KIF13A: variants seen among roughly 807,000 people sequenced by gnomAD.
KIF13A encodes the protein kinesin family member 13A, also known as kinesin-like protein KIF13A.
Under a neutral mutation model 212.2 loss-of-function variants are expected in KIF13A, and 79 were observed. The observed-to-expected ratio is 0.37, with a 90% CI of 0.31 to 0.45. KIF13A has a LOEUF of 0.45. Among genes scored for constraint, KIF13A ranks in the 20% least tolerant of loss-of-function variants. KIF13A has a pLI of 1.00. For synonymous variants in KIF13A, 789 were observed against 808.6 expected (o/e 0.98, Z 0.41); for missense variants, 1,901 against 2,209.0 (o/e 0.86, Z 2.79).
chr6:17,907,500 T>C (rs564700135), intron 2 of KIF13A, among the ~76,000 whole-genome samples: 57 of 151,294 alleles, frequency 3.8e-4, no homozygotes, highest in Non-Finnish European at 6.3e-4. Context: ...CCTTCATGAA[T>C]GTGCAGGAGA....
At chr6:17,969,113 G>A (rs1779576440) in intron 2 of KIF13A, among the ~76,000 whole-genome samples, 1 of 152,218 alleles carries the variant, frequency 6.6e-6, no homozygotes, top group South Asian at 2.1e-4. Flanking sequence ...CAAGGCATGT[G>A]CCAGCTGCTT....
intron 2 of KIF13A, among the ~76,000 whole-genome samples, chr6:17,980,000 AG>A (rs1364703620): frequency 6.6e-6 from 1 of 152,188 alleles, no homozygotes; most frequent in African/African-American, 2.4e-5. Flanking sequence ...AAAAAAACAG[AG>A]AACAAAGAGA....
At chr6:17,917,311 G>C (rs1428718569) in intron 2 of KIF13A, among the ~76,000 whole-genome samples, 1 of 140,078 alleles carries the variant, frequency 7.1e-6, no homozygotes, top group Non-Finnish European at 1.5e-5. Context: ...CACGACCTCA[G>C]CTCACTGCAA....
chr6:17,907,978 A>G (rs1773678022), intron 2 of KIF13A, among the ~76,000 whole-genome samples: 1 of 152,210 alleles, frequency 6.6e-6, no homozygotes, highest in Non-Finnish European at 1.5e-5. Flanking sequence ...CAGCAGTGAG[A>G]CACGCACTGG....
rs541495010 is a variant in KIF13A, at chr6:17,868,570, C to T, written c.220+4807G>A. Among the ~76,000 whole-genome samples, 307 of 150,450 alleles carry T rather than the reference C, an allele frequency of 2.0e-3. 4 individuals carry two copies. Among genetic ancestry groups the T allele is most frequent in the African/African-American group, 7.0e-3 (288 of 41,024 alleles). ...ATTTCTGTTTTTTTTTTTCATTAGCCCTTACACAGGGTTTTTGCTTCAAAA... is the reference window on the plus strand; with the variant it reads ...ATTTCTGTTTTTTTTTTTCATTAGCTCTTACACAGGGTTTTTGCTTCAAAA... On this transcript the variant is annotated intron_variant, in intron 4 of 38. Coordinates refer to ENST00000259711, the MANE Select transcript of KIF13A (RefSeq NM_022113.6).
chr6:17,783,805 G>A lies in KIF13A; in HGVS notation c.3489-104C>T, dbSNP rs1760812768. 1 of 754,682 alleles carries A rather than the reference G, an allele frequency of 1.3e-6. No homozygotes were observed. Among genetic ancestry groups the A allele is most frequent in the Non-Finnish European group, 2.3e-6 (1 of 431,772 alleles). 46.7% of individuals were successfully genotyped at this position (754,682 alleles called of 1,614,324 possible). On this transcript the variant is annotated intron_variant, in intron 28 of 38. Coordinates refer to ENST00000259711, the MANE Select transcript of KIF13A (RefSeq NM_022113.6). The surrounding 1 kb of genome is among the most constrained non-coding windows in gnomAD (Gnocchi z 4.3). ...TGGAAGCAAAGAGAACCATGGTGGA[G>A]ATGCAGTTTCCACTAATGAAATACT...
rs181833792 is a variant in KIF13A at position 17,963,372 on chromosome 6, C to G, written c.146+23682G>C. 3.0e-3 allele frequency among the ~76,000 whole-genome samples: 459 copies of G among 152,194 alleles called. 1 individual carries two copies. In the Middle Eastern group the frequency reaches 0.034, roughly 11 times the overall value. On this transcript the variant is annotated intron_variant, in intron 2 of 38. Coordinates refer to ENST00000259711, the MANE Select transcript of KIF13A (RefSeq NM_022113.6). The surrounding 1 kb of genome is among the most constrained non-coding windows in gnomAD (Gnocchi z 4.1). The stretch of plus-strand genomic sequence containing the variant: ...GGGAGAGGCTGCAGTGAGCTAAGAT[C>G]GTGCCGTTGCACTCTAGCCTGGGCA...
intron 3 of KIF13A, among the ~76,000 whole-genome samples, chr6:17,877,203 CTTTAT>C (rs1770647710): frequency 1.4e-5 from 2 of 144,276 alleles, no homozygotes; most frequent in South Asian, 2.3e-4. Flanking sequence ...ACTATATATA[CTTTAT>C]TTTAATGTTT....
intron 3 of KIF13A, among the ~76,000 whole-genome samples, chr6:17,876,099 C>T (rs1359883334): frequency 6.6e-6 from 1 of 152,194 alleles, no homozygotes; most frequent in African/African-American, 2.4e-5. Context: ...GGAACTACTA[C>T]TTCTCAGCAT....
At chr6:17,804,647 CATAA>C (rs904586645) in intron 19 of KIF13A, 137 bp from the exon 20 acceptor site, 10 of 954,432 alleles carry the variant, frequency 1.0e-5, no homozygotes, top group Non-Finnish European at 1.5e-5. Context: ...TATAATGTCA[CATAA>C]ATAAAAACTA....
intron 38 of KIF13A, among the ~76,000 whole-genome samples, chr6:17,766,308 C>T (rs1234283224): frequency 6.7e-6 from 1 of 149,990 alleles, no homozygotes; most frequent in Non-Finnish European, 1.5e-5. Context: ...GGTGTGATCT[C>T]GGCTCACCGC....
intron 2 of KIF13A, among the ~76,000 whole-genome samples, chr6:17,925,100 A>G (rs1190264197): frequency 6.6e-6 from 1 of 152,248 alleles, no homozygotes; most frequent in African/African-American, 2.4e-5. Context: ...AAATGCTTCC[A>G]GTGTATCCAT....
chr6:17,941,598 G>A (rs1312218018), intron 2 of KIF13A, among the ~76,000 whole-genome samples: 2 of 152,004 alleles, frequency 1.3e-5, no homozygotes, highest in African/African-American at 2.4e-5. Context: ...AGAAGACGCA[G>A]GGAGAAGACA....
downstream of KIF13A, among the ~76,000 whole-genome samples, chr6:17,761,456 T>C (rs1012125244): frequency 6.6e-6 from 1 of 152,014 alleles, no homozygotes; most frequent in Non-Finnish European, 1.5e-5. Context: ...CAATCTCAGC[T>C]CACTGCAACT....
In KIF13A at chr6:17,947,362, T is replaced by C. The variant is rs1777493242; in HGVS notation, c.146+39692A>G. Among the ~76,000 whole-genome samples, 1 of 152,184 alleles carries C rather than the reference T, an allele frequency of 6.6e-6. No homozygotes were observed. Among genetic ancestry groups the C allele is most frequent in the African/African-American group, 2.4e-5 (1 of 41,456 alleles). On this transcript the variant is annotated intron_variant, in intron 2 of 38. Coordinates refer to ENST00000259711, the MANE Select transcript of KIF13A (RefSeq NM_022113.6). The surrounding 1 kb of genome is among the most constrained non-coding windows in gnomAD (Gnocchi z 4.6). The stretch of plus-strand genomic sequence containing the variant: ...ATGAATTTTTTAAATAAAGCAAATT[T>C]AAATACTTCTATTTTTAAAAGATCA...
At chr6:17,801,046 A>C (rs957516726) in intron 20 of KIF13A, among the ~76,000 whole-genome samples, 3 of 151,996 alleles carry the variant, frequency 2.0e-5, no homozygotes, top group African/African-American at 4.8e-5. Context: ...ATGTTTTTTA[A>C]AATATATTCA....
intron 9 of KIF13A, among the ~76,000 whole-genome samples, chr6:17,842,936 T>C (rs1034957922): frequency 4.6e-5 from 7 of 152,070 alleles, no homozygotes; most frequent in Non-Finnish European, 1.0e-4. Context: ...TTTCTTTCCT[T>C]AGGAGTGGAT....
intron 2 of KIF13A, among the ~76,000 whole-genome samples, chr6:17,906,573 C>T (rs1213772536): frequency 6.6e-6 from 1 of 151,764 alleles, no homozygotes; most frequent in Non-Finnish European, 1.5e-5. Context: ...CTCAGCCTCC[C>T]AAGTAGCTGG....
rs1198717375 is a variant in KIF13A at position 17,856,055 on chromosome 6, C to T, written c.288G>A (p.Ala96=). Reference sequence around the variant, plus strand: ...CTGTCTGTCCATATGCAAAAATACACGCATTATACCCCTGAAAGGCTTTTT... The same window carrying T: ...CTGTCTGTCCATATGCAAAAATACATGCATTATACCCCTGAAAGGCTTTTT... ...ILEKAFQGYN[A]CIFAYGQTGS... The change falls in exon 5 of 39, where the codon GCG becomes GCA. Residue 96 remains alanine (A), a synonymous_variant. Coordinates refer to ENST00000259711, the MANE Select transcript of KIF13A (RefSeq NM_022113.6). This position sits in a 1 kb window ranked among gnomAD's most constrained non-coding sequence, Gnocchi z 4.5. 21 of 1,612,882 alleles carry T rather than the reference C, an allele frequency of 1.3e-5. No homozygotes were observed. The highest frequency in any genetic ancestry group is 2.7e-5 in the African/African-American group (2 of 74,870).
Sources: gnomAD v4.1 joint callset for allele counts (sites outside exome capture counted in the v4.1 genomes callset) on GRCh38, gnomAD v4.1.1 for gene constraint, Gnocchi (gnomAD v3.1) non-coding constraint, MANE v1.5 for transcripts, NCBI Gene and HGNC (gene_info 2026-07-23, HGNC 2026-07-21) for gene names.